Variants in EPHA5 observed in about 807,000 individuals in gnomAD.
The protein encoded by EPHA5 is EPH receptor A5, also known as ephrin type-A receptor 5.
EPHA5 carries 60 observed loss-of-function variants against 105.0 expected under a neutral mutation model. The observed-to-expected ratio is 0.57, with a 90% CI of 0.46 to 0.71. The LOEUF is 0.71. Among genes scored for constraint, EPHA5 ranks in the 30% least tolerant of loss-of-function variants. The pLI is 0.00. For missense variants in EPHA5, 1,218 were observed against 1,274.7 expected (o/e 0.96, Z 0.68); for synonymous variants, 513 against 449.1 (o/e 1.14, Z -1.80).
At chr4:65,504,365 A>AATATAT (rs149200564) in intron 3 of EPHA5, among the ~76,000 whole-genome samples, 20 of 147,294 alleles carry the variant, frequency 1.4e-4, no homozygotes, top group African/African-American at 3.4e-4. Flanking sequence ...TATATTGAAA[A>AATATAT]ATATATATAT....
At chr4:65,497,845 A>T (rs937257364) in intron 3 of EPHA5, among the ~76,000 whole-genome samples, 2 of 152,028 alleles carry the variant, frequency 1.3e-5, no homozygotes, top group African/African-American at 4.8e-5. Flanking sequence ...GTTCAATAAG[A>T]TGTTTTCAGC....
chr4:65,451,616 T>C (rs1727076580), intron 5 of EPHA5, among the ~76,000 whole-genome samples: 1 of 152,178 alleles, frequency 6.6e-6, no homozygotes. Flanking sequence ...TCAAAGTTAG[T>C]ACAGCTATAA....
intron 5 of EPHA5, among the ~76,000 whole-genome samples, chr4:65,465,929 G>A (rs1006319340): frequency 3.9e-5 from 6 of 152,110 alleles, no homozygotes; most frequent in Non-Finnish European, 7.4e-5. Context: ...GGCATTTGAC[G>A]ATACTTCAGT....
chr4:65,601,806 C>T lies in EPHA5; in HGVS notation c.745G>A (p.Gly249Arg), dbSNP rs2149438045. Residue 249 changes from glycine (G) to arginine (R), a missense_variant, in exon 3 of 17, where the codon GGA becomes AGA. Physicochemically the swap from Gly to Arg is moderately radical, Grantham distance 125. Around this residue, in one of 3 missense-constraint regions of EPHA5, gnomAD observed 971 missense variants for 1,013.5 expected, o/e 0.96. Coordinates refer to ENST00000613740, the MANE Select transcript of EPHA5 (RefSeq NM_001281766.3). Reference protein sequence around the residue: ...HLAVFPDTITGADSSQLLEVS... With the variant: ...HLAVFPDTITRADSSQLLEVS... ...TCGAGCAATTGGGAAGAATCAGCTC[C>T]AGTGATGGTGTCAGGGAAGACAGCC... The T allele has an allele frequency of 1.9e-6, 3 of 1,614,100 alleles. No homozygotes were observed. Among genetic ancestry groups the T allele is most frequent in the Non-Finnish European group, 2.5e-6 (3 of 1,179,998 alleles).
intron 2 of EPHA5, among the ~76,000 whole-genome samples, chr4:65,631,068 T>C (rs1746586507): frequency 6.6e-6 from 1 of 152,154 alleles, no homozygotes. Context: ...GTACCCCTGC[T>C]CTTGGTGAGG....
chr4:65,652,928 T>G (rs1748738337), intron 1 of EPHA5, among the ~76,000 whole-genome samples: 1 of 152,112 alleles, frequency 6.6e-6, no homozygotes, highest in Non-Finnish European at 1.5e-5. Context: ...CTCACTTTGC[T>G]TTAAGCATGT....
At chr4:65,594,899 A>T (rs1743017154) in intron 3 of EPHA5, among the ~76,000 whole-genome samples, 1 of 152,164 alleles carries the variant, frequency 6.6e-6, no homozygotes, top group African/African-American at 2.4e-5. Flanking sequence ...TCTGTCTTTA[A>T]GATAATAATA....
At position 65,367,040 on chromosome 4, in the gene EPHA5, G is replaced by A. The variant is rs535245301; in HGVS notation, c.1861+317C>T. Among the ~76,000 whole-genome samples, 3 of 151,488 alleles carry A rather than the reference G, an allele frequency of 2.0e-5. No individual in the cohort carries two copies. The East Asian group carries it at 5.8e-4, about 29-fold the overall frequency. On this transcript the variant is annotated intron_variant, in intron 9 of 16. Coordinates refer to ENST00000613740, the MANE Select transcript of EPHA5 (RefSeq NM_001281766.3). Reference sequence around the variant, plus strand: ...TTATTGATAGATTTCTACTCATTGTGTTGCTAGGAATTAGAATATTCCAGG... The same window carrying A: ...TTATTGATAGATTTCTACTCATTGTATTGCTAGGAATTAGAATATTCCAGG...
chr4:65,554,970 CT>C (rs80060991), intron 3 of EPHA5, among the ~76,000 whole-genome samples: 36,695 of 124,496 alleles, frequency 0.29, 5,607 homozygotes, highest in Middle Eastern at 0.45. Context: ...CACTTCACCC[CT>C]ATACAACAGC....
rs1722822825 is a variant in EPHA5 at position 65,351,610 on chromosome 4, A to G, written c.2236-12T>C. On this transcript the variant is annotated splice_polypyrimidine_tract_variant and intron_variant, in intron 12 of 16. Transcript: ENST00000613740. ...TGCCCATCGTTTTTCTGTAAAGACA[A>G]TGTAGAAATATTAGTCTAGCAACAC... 2 of 1,612,244 alleles carry G rather than the reference A, an allele frequency of 1.2e-6. No homozygotes were observed. The highest frequency in any genetic ancestry group is 1.3e-5 in the African/African-American group (1 of 74,968).
intron 3 of EPHA5, among the ~76,000 whole-genome samples, chr4:65,590,504 A>T (rs940957429): frequency 5.3e-5 from 8 of 152,192 alleles, no homozygotes; most frequent in Admixed American, 2.0e-4. Flanking sequence ...CCTAGAAAGA[A>T]CTATGCCAGG....
chr4:65,468,235 T>C (rs1401127889), intron 5 of EPHA5, among the ~76,000 whole-genome samples: 1 of 151,960 alleles, frequency 6.6e-6, no homozygotes, highest in African/African-American at 2.4e-5. Context: ...CTAATAGATA[T>C]ATAGACACAT....
At chr4:65,462,078 C>A (rs988104846) in intron 5 of EPHA5, among the ~76,000 whole-genome samples, 1 of 151,960 alleles carries the variant, frequency 6.6e-6, no homozygotes, top group Non-Finnish European at 1.5e-5. Context: ...ATAATTAATA[C>A]AGGGCTATTG....
chr4:65,597,491 GAA>G (rs5858972), intron 3 of EPHA5, among the ~76,000 whole-genome samples: 5 of 151,400 alleles, frequency 3.3e-5, no homozygotes, highest in Admixed American at 1.3e-4. Context: ...GTCTTAAGGG[GAA>G]AAAAATAGCA....
intron 8 of EPHA5, among the ~76,000 whole-genome samples, chr4:65,387,293 A>T (rs958330045): frequency 1.3e-5 from 2 of 151,946 alleles, no homozygotes; most frequent in African/African-American, 4.8e-5. Context: ...GCTTGGATAC[A>T]CTGGAGCAGG....
intron 2 of EPHA5, among the ~76,000 whole-genome samples, chr4:65,613,314 T>G (rs1210069806): frequency 6.6e-6 from 1 of 152,130 alleles, no homozygotes; most frequent in Non-Finnish European, 1.5e-5. Flanking sequence ...ATGTGATGCC[T>G]CCAGCTTTAT....
chr4:65,577,153 T>C (rs1741138749), intron 3 of EPHA5, among the ~76,000 whole-genome samples: 1 of 152,202 alleles, frequency 6.6e-6, no homozygotes. Context: ...ATTATTTAAA[T>C]CTTTGGATAC....
intron 16 of EPHA5, among the ~76,000 whole-genome samples, chr4:65,326,739 A>G (rs955094445): frequency 2.0e-5 from 3 of 151,370 alleles, no homozygotes; most frequent in Non-Finnish European, 3.0e-5. Context: ...TTATAAACCC[A>G]TAAGAAATAC....
intron 5 of EPHA5, among the ~76,000 whole-genome samples, chr4:65,462,105 T>C (rs1728183614): frequency 6.6e-6 from 1 of 152,102 alleles, no homozygotes; most frequent in African/African-American, 2.4e-5. Flanking sequence ...TGTAGTCTTT[T>C]ACATTTTAGG....
Sources: gnomAD v4.1 joint callset for allele counts (sites outside exome capture counted in the v4.1 genomes callset) on GRCh38, gnomAD v4.1.1 for gene constraint, gnomAD v4.1.1 regional missense constraint, MANE v1.5 for transcripts, NCBI Gene and HGNC (gene_info 2026-07-23, HGNC 2026-07-21) for gene names.